The following FSIP1 variants were observed in gnomAD, a reference collection of about 807,000 sequenced individuals.
The protein encoded by FSIP1 is fibrous sheath-interacting protein 1.
Under a neutral mutation model 60.9 loss-of-function variants are expected in FSIP1, and 65 were observed. The observed-to-expected ratio is 1.07, with a 90% CI of 0.87 to 1.31. FSIP1 has a LOEUF of 1.31. Ranked by LOEUF, FSIP1 falls within the 40% of genes most tolerant of loss-of-function variation. The probability of loss-of-function intolerance (pLI) is 0.00; values close to 1 mark genes in which losing one functional copy is unlikely to be tolerated. For missense variants in FSIP1, 675 were observed against 665.5 expected (o/e 1.01, Z -0.16); for synonymous variants, 209 against 221.2 (o/e 0.94, Z 0.49).
intron 3 of FSIP1, among the ~76,000 whole-genome samples, chr15:39,766,681 T>C (rs531416660): frequency 6.6e-6 from 1 of 152,332 alleles, no homozygotes; most frequent in South Asian, 2.1e-4. Context: ...AAGCTGATAA[T>C]CCAGCAATGA....
At chr15:39,626,777 T>G (rs190785919) in intron 10 of FSIP1, among the ~76,000 whole-genome samples, 2 of 150,866 alleles carry the variant, frequency 1.3e-5, no homozygotes, top group African/African-American at 4.9e-5. Context: ...CAATTAAACC[T>G]CTTTTCTTTA....
intron 5 of FSIP1, among the ~76,000 whole-genome samples, chr15:39,758,512 G>A (rs1009568782): frequency 3.3e-5 from 5 of 151,346 alleles, no homozygotes; most frequent in South Asian, 4.2e-4. Flanking sequence ...ATTTTTTTGA[G>A]GGGGGGGAAT....
chr15:39,600,791 G>C lies in FSIP1; in HGVS notation c.*89C>G. 2 of 950,050 alleles carry C rather than the reference G, an allele frequency of 2.1e-6. No homozygotes were observed. Among genetic ancestry groups the C allele is most frequent in the Non-Finnish European group, 3.3e-6 (2 of 607,110 alleles). The allele number at this position is 950,050 out of a possible 1,614,324, so 58.9% of individuals were successfully genotyped here. On this transcript the variant is annotated 3_prime_UTR_variant, in exon 12 of 12. Transcript: ENST00000350221. ...AAATCAATAAAGAATAGTCTCTGCAGTGCATTCATTGAATTCAAATAATTC... is the reference window on the plus strand; with the variant it reads ...AAATCAATAAAGAATAGTCTCTGCACTGCATTCATTGAATTCAAATAATTC...
chr15:39,599,843 G>C (rs1381978303), downstream of FSIP1, among the ~76,000 whole-genome samples: 8 of 152,282 alleles, frequency 5.3e-5, no homozygotes, highest in East Asian at 1.2e-3. Context: ...ACATCAGCAT[G>C]AACAATTGCT....
chr15:39,602,706 A>G (rs989629713), intron 11 of FSIP1, among the ~76,000 whole-genome samples: 1 of 152,142 alleles, frequency 6.6e-6, no homozygotes, highest in African/African-American at 2.4e-5. Flanking sequence ...CGTAAGTGCT[A>G]TTCTCTCACT....
At chr15:39,732,360 C>T (rs968677146) in intron 8 of FSIP1, among the ~76,000 whole-genome samples, 6 of 152,148 alleles carry the variant, frequency 3.9e-5, no homozygotes, top group Non-Finnish European at 7.4e-5. Context: ...TGCCTCACGC[C>T]TGTAATCCCA....
chr15:39,738,032 ATAT>A, intron 8 of FSIP1, 56 bp downstream of exon 8: 1 of 965,904 alleles, frequency 1.0e-6, no homozygotes, highest in Non-Finnish European at 1.6e-6. Context: ...TGGGCCAATA[ATAT>A]TATTTTTTAA....
chr15:39,646,016 C>T (rs893803248), intron 10 of FSIP1, among the ~76,000 whole-genome samples: 2 of 152,214 alleles, frequency 1.3e-5, no homozygotes, highest in African/African-American at 2.4e-5. Flanking sequence ...CATGGACCAA[C>T]TGGCATGCAC....
intron 3 of FSIP1, among the ~76,000 whole-genome samples, chr15:39,768,771 C>T (rs1897776837): frequency 6.6e-6 from 1 of 152,224 alleles, no homozygotes; most frequent in African/African-American, 2.4e-5. Flanking sequence ...TGGTTTCCTA[C>T]AGGTTAACTG....
rs764736214 is a variant in FSIP1, at chr15:39,741,876, G to A, written c.584C>T (p.Thr195Ile). ...TVGPSHEEED[T>I]FSSVFHTQIP... ...TTGAGTATGAAACACTGAGGAAAAG[G>A]TGTCTTCCTCCTCATGAGAAGGACC... The change falls in exon 6 of 12, where the codon ACC (threonine) becomes ATC (isoleucine). Residue 195 changes from threonine (T) to isoleucine (I), a missense_variant. By Grantham distance (89) the Thr-to-Ile change is moderately conservative. Transcript: ENST00000350221. The A allele has an allele frequency of 1.1e-5, 18 of 1,600,244 alleles. No individual in the cohort carries two copies. Among genetic ancestry groups the A allele is most frequent in the South Asian group, 7.7e-5 (7 of 90,766 alleles).
chr15:39,778,612 A>C (rs1234493139), intron 1 of FSIP1, among the ~76,000 whole-genome samples: 1 of 152,234 alleles, frequency 6.6e-6, no homozygotes, highest in Non-Finnish European at 1.5e-5. Flanking sequence ...AGCATTGTAC[A>C]AGAAAAAAGC....
At chr15:39,694,122 T>C (rs770475188) in intron 10 of FSIP1, among the ~76,000 whole-genome samples, 4 of 152,060 alleles carry the variant, frequency 2.6e-5, no homozygotes, top group African/African-American at 9.7e-5. Context: ...TGATGCACTA[T>C]ATAAATAAAG....
intron 10 of FSIP1, among the ~76,000 whole-genome samples, chr15:39,677,279 C>T (rs1344659963): frequency 1.3e-5 from 2 of 152,096 alleles, no homozygotes. Context: ...CATACACATT[C>T]CAAAACCACT....
chr15:39,652,890 T>C (rs1321351993), intron 10 of FSIP1, among the ~76,000 whole-genome samples: 1 of 151,844 alleles, frequency 6.6e-6, no homozygotes, highest in African/African-American at 2.4e-5. Flanking sequence ...TTTAACGGTA[T>C]GCAGGCTGAA....
chr15:39,634,229 G>A (rs993947064), intron 10 of FSIP1, among the ~76,000 whole-genome samples: 7 of 152,136 alleles, frequency 4.6e-5, no homozygotes, highest in East Asian at 1.9e-4. Context: ...TTAAGGAAAA[G>A]CCCTCTTTTG....
intron 10 of FSIP1, among the ~76,000 whole-genome samples, chr15:39,637,424 C>A (rs750584422): frequency 6.6e-6 from 1 of 152,196 alleles, no homozygotes; most frequent in African/African-American, 2.4e-5. Flanking sequence ...AATCATGCCA[C>A]AGAATTTAAG....
At chr15:39,725,160 G>A (rs1193282150) in intron 9 of FSIP1, among the ~76,000 whole-genome samples, 1 of 152,214 alleles carries the variant, frequency 6.6e-6, no homozygotes, top group Non-Finnish European at 1.5e-5. Context: ...GAACCCAGGA[G>A]GCGGAGCTTG....
intron 5 of FSIP1, among the ~76,000 whole-genome samples, chr15:39,757,458 G>C (rs1897334323): frequency 6.6e-6 from 1 of 152,018 alleles, no homozygotes; most frequent in African/African-American, 2.4e-5. Flanking sequence ...ATAATACCAA[G>C]TTTAAGCTGA....
chr15:39,625,334 C>T (rs139953732), intron 10 of FSIP1, among the ~76,000 whole-genome samples: 75 of 152,156 alleles, frequency 4.9e-4, no homozygotes, highest in African/African-American at 1.7e-3. Flanking sequence ...GAGCATGGAT[C>T]GAGGGAGCTA....
Sources: allele counts gnomAD v4.1 joint callset (sites outside exome capture counted in the v4.1 genomes callset), GRCh38; gene constraint gnomAD v4.1.1; transcripts MANE v1.5; gene names NCBI Gene and HGNC (gene_info 2026-07-23, HGNC 2026-07-21).